The following CTNNA3 variants were observed in gnomAD, a reference collection of about 807,000 sequenced individuals.
CTNNA3 encodes catenin alpha-3.
Under a neutral mutation model 95.7 loss-of-function variants are expected in CTNNA3, and 76 were observed. The observed-to-expected ratio is 0.79, with a 90% confidence interval of 0.66 to 0.96. CTNNA3 has a LOEUF of 0.96. Among genes scored for constraint, CTNNA3 ranks in the 40% least tolerant of loss-of-function variants. The probability of loss-of-function intolerance (pLI) is 0.00; values close to 1 mark genes in which losing one functional copy is unlikely to be tolerated. For synonymous variants in CTNNA3, 431 were observed against 374.4 expected (o/e 1.15, Z -1.74); for missense variants, 1,191 against 1,089.8 (o/e 1.09, Z -1.31).
At chr10:66,282,894 AAATG>A (rs907396435) in intron 12 of CTNNA3, among the ~76,000 whole-genome samples, 7 of 151,894 alleles carry the variant, frequency 4.6e-5, no homozygotes, top group Non-Finnish European at 4.4e-5. Context: ...TTAAGTGATT[AAATG>A]AATGAATGAA....
At chr10:66,356,654 G>C (rs2092613148) in intron 12 of CTNNA3, among the ~76,000 whole-genome samples, 1 of 151,906 alleles carries the variant, frequency 6.6e-6, no homozygotes, top group South Asian at 2.1e-4. Context: ...TGTTAAAAAG[G>C]ACCAGTGAAA....
chr10:66,574,093 T>G (rs188045632), intron 10 of CTNNA3, among the ~76,000 whole-genome samples: 1 of 152,142 alleles, frequency 6.6e-6, no homozygotes, highest in Non-Finnish European at 1.5e-5. Context: ...ACTGTGCAGA[T>G]AGTTGACATA....
Position 67,296,727 on chromosome 10 carries a change from A to C in CTNNA3, c.580-76857T>G, listed in dbSNP as rs1310178069. On this transcript the variant is annotated intron_variant, in intron 5 of 17. Coordinates refer to ENST00000433211, the MANE Select transcript of CTNNA3 (RefSeq NM_013266.4). ...GGCAGGAAGAACACCTGAGGTCAGG[A>C]GTTCAAGACCAGCCTGGCCAATGTG... is the stretch of plus-strand genomic sequence containing the variant. Among the ~76,000 whole-genome samples, 3 of 152,006 alleles carry C rather than the reference A, an allele frequency of 2.0e-5. No homozygotes were observed. The East Asian group carries it at 5.8e-4, about 29-fold the overall frequency.
intron 7 of CTNNA3, among the ~76,000 whole-genome samples, chr10:67,014,263 T>C (rs1378482825): frequency 6.6e-6 from 1 of 152,194 alleles, no homozygotes; most frequent in East Asian, 1.9e-4. Context: ...AGATCCCTTA[T>C]AAAATTGATG....
chr10:66,083,953 T>C (rs1186424828), intron 14 of CTNNA3, among the ~76,000 whole-genome samples: 2 of 151,740 alleles, frequency 1.3e-5, no homozygotes, highest in African/African-American at 4.8e-5. Flanking sequence ...CTGACCAACA[T>C]GGAGAAACCC....
In CTNNA3 at chr10:66,630,020, G is replaced by A. The variant is rs115191874; in HGVS notation, c.1282-8236C>T. ...CTCAGTTTATAATTATATGTTCACT[G>A]GGAAGATTATTTGATTAGCATACAT... On this transcript the variant is annotated intron_variant, in intron 9 of 17. Transcript: ENST00000433211. Among the ~76,000 whole-genome samples, 532 of 152,200 alleles carry A rather than the reference G, an allele frequency of 3.5e-3. 4 individuals are homozygous for A. The highest frequency in any genetic ancestry group is 0.012 in the African/African-American group (479 of 41,546).
chr10:66,267,703 T>C (rs1564827393), intron 13 of CTNNA3, among the ~76,000 whole-genome samples: 1 of 152,156 alleles, frequency 6.6e-6, no homozygotes, highest in Non-Finnish European at 1.5e-5. Context: ...TCTTCTTCAT[T>C]GTATGTTTCC....
chr10:67,456,706 A>C (rs1847185387), intron 5 of CTNNA3, among the ~76,000 whole-genome samples: 1 of 152,152 alleles, frequency 6.6e-6, no homozygotes, highest in Non-Finnish European at 1.5e-5. Flanking sequence ...CCCAACTTAT[A>C]ATCAAATTGT....
At chr10:66,572,200 AG>A (rs1338429499) in intron 10 of CTNNA3, among the ~76,000 whole-genome samples, 3 of 151,794 alleles carry the variant, frequency 2.0e-5, no homozygotes, top group Non-Finnish European at 4.4e-5. Flanking sequence ...CTAGCCAACA[AG>A]GTGAAACCCC....
intron 7 of CTNNA3, among the ~76,000 whole-genome samples, chr10:66,967,952 T>G (rs1174984584): frequency 6.6e-6 from 1 of 152,130 alleles, no homozygotes; most frequent in Non-Finnish European, 1.5e-5. Flanking sequence ...GAATGCTTTT[T>G]GATGAATGGG....
At chr10:66,427,057 C>T (rs2093248765) in intron 11 of CTNNA3, among the ~76,000 whole-genome samples, 1 of 151,618 alleles carries the variant, frequency 6.6e-6, no homozygotes, top group South Asian at 2.1e-4. Flanking sequence ...TCTCAAAGGC[C>T]CTTTTGTCAA....
In CTNNA3 at chr10:65,919,759, A is replaced by G. The variant is rs957962774; in HGVS notation, c.*571T>C. On this transcript the variant is annotated 3_prime_UTR_variant, in exon 18 of 18. Coordinates refer to ENST00000433211, the MANE Select transcript of CTNNA3 (RefSeq NM_013266.4). ...CAAATTTGATTAGTTTATAATGGAT[A>G]TTAGCCTAATAAGTTGACAATGAGT... is the stretch of plus-strand genomic sequence containing the variant. 2.0e-5 allele frequency: 3 copies of G among 152,554 alleles called. No homozygotes were observed. The highest frequency in any genetic ancestry group is 2.9e-5 in the Non-Finnish European group (2 of 68,314). The allele number at this position is 152,554 out of a possible 1,614,324, so 9.5% of individuals were successfully genotyped here.
chr10:66,871,454 C>T (rs1405239671), intron 7 of CTNNA3, among the ~76,000 whole-genome samples: 1 of 150,552 alleles, frequency 6.6e-6, no homozygotes, highest in African/African-American at 2.4e-5. Context: ...CCCAGCTACT[C>T]GGGAGGCTGA....
At chr10:67,229,504 A>C (rs1475883234) in intron 5 of CTNNA3, among the ~76,000 whole-genome samples, 2 of 152,220 alleles carry the variant, frequency 1.3e-5, no homozygotes, top group Non-Finnish European at 2.9e-5. Context: ...AGGGCATCCA[A>C]ATTGGTAAAG....
intron 1 of CTNNA3, among the ~76,000 whole-genome samples, chr10:67,657,847 CAAAAAA>C (rs200763142): frequency 7.4e-5 from 3 of 40,420 alleles, no homozygotes; most frequent in Non-Finnish European, 1.8e-4. Flanking sequence ...AATTCCATCT[CAAAAAA>C]AAAAAAAAAA....
chr10:66,540,825 C>T (rs1160333430), intron 10 of CTNNA3, among the ~76,000 whole-genome samples: 1 of 152,086 alleles, frequency 6.6e-6, no homozygotes, highest in Non-Finnish European at 1.5e-5. Context: ...CCTGTATCTA[C>T]CTTTTACAGA....
chr10:66,162,901 TG>T (rs1195392851), intron 13 of CTNNA3, among the ~76,000 whole-genome samples: 1 of 130,436 alleles, frequency 7.7e-6, no homozygotes, highest in Non-Finnish European at 1.6e-5. Flanking sequence ...CTGTGGGGGG[TG>T]GGGGTAAGAT....
At chr10:66,344,219 T>A (rs1383043249) in intron 12 of CTNNA3, among the ~76,000 whole-genome samples, 4 of 50,558 alleles carry the variant, frequency 7.9e-5, no homozygotes, top group Non-Finnish European at 1.3e-4. Flanking sequence ...AGGGCGAGAC[T>A]CCATCTCAAA....
In CTNNA3 at chr10:66,759,473, T is replaced by C. The variant is rs535045808; in HGVS notation, c.1281+6791A>G. ...CAAGATTTTCTATGGGGTTAATAGA[T>C]GTTCGTTTATTCAATAATTCATTCA... On this transcript the variant is annotated intron_variant, in intron 9 of 17. Coordinates refer to ENST00000433211, the MANE Select transcript of CTNNA3 (RefSeq NM_013266.4). 1.3e-4 allele frequency among the ~76,000 whole-genome samples: 20 copies of C among 152,328 alleles called. No individual in the cohort carries two copies. The South Asian group carries it at 3.5e-3, about 27-fold the overall frequency.
Sources: gnomAD v4.1 joint callset for allele counts (sites outside exome capture counted in the v4.1 genomes callset) on GRCh38, gnomAD v4.1.1 for gene constraint, MANE v1.5 for transcripts, NCBI Gene and HGNC (gene_info 2026-07-23, HGNC 2026-07-21) for gene names.